RALGPS1: variants seen among roughly 807,000 people sequenced by gnomAD.
RALGPS1 encodes the protein ras-specific guanine nucleotide-releasing factor RalGPS1.
A neutral mutation model predicts 78.8 loss-of-function variants in RALGPS1; 19 were observed. The observed-to-expected ratio is 0.24, with a 90% CI of 0.17 to 0.35. The LOEUF (loss-of-function observed/expected upper bound fraction) is 0.35, where lower values mean the gene tolerates loss of function less well. Ranked by LOEUF, RALGPS1 falls within the 10% of genes least tolerant of loss-of-function variation. The pLI, the probability that RALGPS1 is intolerant of heterozygous loss-of-function variation, is 1.00. For synonymous variants in RALGPS1, 228 were observed against 256.3 expected (o/e 0.89, Z 1.06); for missense variants, 454 against 688.3 (o/e 0.66, Z 3.81).
At chr9:127,188,125 G>A (rs1486287752) in intron 11 of RALGPS1, among the ~76,000 whole-genome samples, 4 of 136,836 alleles carry the variant, frequency 2.9e-5, no homozygotes, top group Non-Finnish European at 4.7e-5. Context: ...GCAGTGGCGC[G>A]ATCTAGGCTC....
At chr9:127,204,206 T>G (rs2061808245) in intron 14 of RALGPS1, among the ~76,000 whole-genome samples, 1 of 152,114 alleles carries the variant, frequency 6.6e-6, no homozygotes, top group Non-Finnish European at 1.5e-5. Flanking sequence ...TCACTCTGTT[T>G]TCCAGGCTGG....
At chr9:127,177,763 C>A in intron 11 of RALGPS1, 1 of 1,494,156 alleles carries the variant, frequency 6.7e-7, no homozygotes, top group Non-Finnish European at 9.1e-7. Flanking sequence ...ACTGCATTTC[C>A]TGGCCTCCTT....
Position 127,091,817 on chromosome 9 carries a change from C to G in RALGPS1, c.610+22461C>G. The G allele has an allele frequency of 6.2e-7, 1 of 1,614,188 alleles. No homozygotes were observed. Among genetic ancestry groups the G allele is most frequent in the Non-Finnish European group, 8.5e-7 (1 of 1,180,028 alleles). ...TCCAGGCGGAAACTGGCGTATTCTG[C>G]AAAGACTTTGCGGCCGGACCAGTCC... On this transcript the variant is annotated intron_variant, in intron 8 of 18. Transcript: ENST00000259351. The surrounding 1 kb of genome is among the most constrained non-coding windows in gnomAD (Gnocchi z 4.3).
At chr9:126,918,186 TA>T (rs2034372631) in intron 1 of RALGPS1, among the ~76,000 whole-genome samples, 1 of 152,340 alleles carries the variant, frequency 6.6e-6, no homozygotes, top group East Asian at 1.9e-4. Context: ...AACTTCAACA[TA>T]AAAGACAAAA....
chr9:127,063,800 G>T (rs945611734), intron 7 of RALGPS1, among the ~76,000 whole-genome samples: 1 of 152,090 alleles, frequency 6.6e-6, no homozygotes, highest in African/African-American at 2.4e-5. Context: ...AATTATGTAC[G>T]GCTTGTAAAT....
intron 1 of RALGPS1, among the ~76,000 whole-genome samples, chr9:126,960,243 T>TCCTTTCTTCC (rs1186123031): frequency 3.4e-5 from 1 of 29,480 alleles, no homozygotes; most frequent in Admixed American, 4.9e-4. Flanking sequence ...CTTTCTTCCT[T>TCCTTTCTTCC]TTTTTTTTTT....
At chr9:127,149,530 G>A (rs1187523845) in intron 8 of RALGPS1, among the ~76,000 whole-genome samples, 1 of 151,506 alleles carries the variant, frequency 6.6e-6, no homozygotes, top group African/African-American at 2.5e-5. Context: ...GTTCTGGTCT[G>A]GAGATGTTTC....
chr9:127,191,857 C>T (rs2061072598), intron 11 of RALGPS1, among the ~76,000 whole-genome samples: 1 of 151,958 alleles, frequency 6.6e-6, no homozygotes, highest in South Asian at 2.1e-4. Flanking sequence ...GCCACCACGC[C>T]CGGCTAATTT....
At position 127,218,183 on chromosome 9, in the gene RALGPS1, G is replaced by A. The variant is rs2062675312; in HGVS notation, c.1645-557G>A. Among the ~76,000 whole-genome samples, 1 of 152,118 alleles carries A rather than the reference G, an allele frequency of 6.6e-6. No individual in the cohort carries two copies. Among genetic ancestry groups the A allele is most frequent in the African/African-American group, 2.4e-5 (1 of 41,412 alleles). ...GGTGGCAGAAACACTCTGACCTTGG[G>A]GCTAGTGGTCCCGCCAGTAAAGGGG... On this transcript the variant is annotated intron_variant, in intron 18 of 18. Coordinates refer to ENST00000259351, the MANE Select transcript of RALGPS1 (RefSeq NM_014636.3). The surrounding 1 kb of genome is among the most constrained non-coding windows in gnomAD (Gnocchi z 4.4).
intron 4 of RALGPS1, among the ~76,000 whole-genome samples, chr9:126,997,161 T>C (rs1306083214): frequency 6.6e-6 from 1 of 152,152 alleles, no homozygotes; most frequent in African/African-American, 2.4e-5. Context: ...CTATTCAACA[T>C]AGTGTTGGAA....
intron 8 of RALGPS1, among the ~76,000 whole-genome samples, chr9:127,074,328 A>G (rs758929902): frequency 6.6e-6 from 1 of 152,014 alleles, no homozygotes; most frequent in East Asian, 1.9e-4. Context: ...ATTGAATTCT[A>G]TTTATTTCTT....
At chr9:126,959,593 CTTT>C (rs11296664) in intron 1 of RALGPS1, among the ~76,000 whole-genome samples, 1 of 144,162 alleles carries the variant, frequency 6.9e-6, no homozygotes, top group Non-Finnish European at 1.5e-5. Flanking sequence ...CTGACCAGTT[CTTT>C]TTTTTTTTTT....
chr9:127,070,332 T>C (rs556786276), intron 8 of RALGPS1, among the ~76,000 whole-genome samples: 15 of 152,356 alleles, frequency 9.8e-5, no homozygotes, highest in Admixed American at 9.8e-4. Flanking sequence ...TGATTTAAGG[T>C]ATTTCTACAT....
At chr9:126,985,418 A>T (rs1318246861) in intron 4 of RALGPS1, among the ~76,000 whole-genome samples, 1 of 152,202 alleles carries the variant, frequency 6.6e-6, no homozygotes, top group East Asian at 1.9e-4. Context: ...TGCTCGTTAT[A>T]CTACATTATC....
At position 127,214,743 on chromosome 9, in the gene RALGPS1, C is replaced by T. The variant is rs369791995; in HGVS notation, c.1553-8C>T. On this transcript the variant is annotated splice_region_variant and splice_polypyrimidine_tract_variant and intron_variant, in intron 17 of 18. Coordinates refer to ENST00000259351, the MANE Select transcript of RALGPS1 (RefSeq NM_014636.3). Reference sequence around the variant, plus strand: ...CTCTTCTTAACTCATGGTTTCTCTACCCATCAGGCAATGTTTACAAGTTTC... The same window carrying T: ...CTCTTCTTAACTCATGGTTTCTCTATCCATCAGGCAATGTTTACAAGTTTC... The T allele has an allele frequency of 1.9e-6, 3 of 1,604,314 alleles. No homozygotes were observed. The highest frequency in any genetic ancestry group is 1.7e-6 in the Non-Finnish European group (2 of 1,176,612).
In RALGPS1 at chr9:126,952,673, G is replaced by GTGTGTGTGTGTGTGTC. The variant is rs771422718; in HGVS notation, c.-65-9545_-65-9544insGTGTGTGTCTGTGTGT. Among the ~76,000 whole-genome samples the GTGTGTGTGTGTGTGTC allele has an allele frequency of 3.5e-3, 375 of 106,840 alleles. 1 individual carries two copies. The highest frequency in any genetic ancestry group is 6.0e-3 in the Non-Finnish European group (258 of 42,764). 70.1% of individuals were successfully genotyped at this position (106,840 alleles called of 152,430 possible). Reference sequence around the variant, plus strand: ...AGAGAGAGAGTGTGTGTGTGTGTGTGTGTGTGTCTGTGTGTCTGTGTGTCT... The same window carrying GTGTGTGTGTGTGTGTC: ...AGAGAGAGAGTGTGTGTGTGTGTGTGTGTGTGTGTGTGTGTCTGTGTGTCTGTGTGTCTGTGTGTCT... On this transcript the variant is annotated intron_variant, in intron 1 of 18. Coordinates refer to ENST00000259351, the MANE Select transcript of RALGPS1 (RefSeq NM_014636.3).
chr9:127,189,231 TC>T (rs1371026862), intron 11 of RALGPS1, among the ~76,000 whole-genome samples: 2 of 152,066 alleles, frequency 1.3e-5, no homozygotes, highest in African/African-American at 4.8e-5. Context: ...AGGTTTTATT[TC>T]TCATTCATCA....
At chr9:126,919,265 C>T (rs2034507599) in intron 1 of RALGPS1, among the ~76,000 whole-genome samples, 2 of 152,108 alleles carry the variant, frequency 1.3e-5, no homozygotes, top group Non-Finnish European at 2.9e-5. Flanking sequence ...TTTGTACCTC[C>T]ACCCCCCACA....
At chr9:127,055,600 T>C (rs1479557695) in intron 7 of RALGPS1, among the ~76,000 whole-genome samples, 2 of 152,142 alleles carry the variant, frequency 1.3e-5, no homozygotes, top group Admixed American at 6.5e-5. Flanking sequence ...CATTTATAGA[T>C]GAGGAAACAG....
Sources: gnomAD v4.1 joint callset for allele counts (sites outside exome capture counted in the v4.1 genomes callset) on GRCh38, gnomAD v4.1.1 for gene constraint, Gnocchi (gnomAD v3.1) non-coding constraint, MANE v1.5 for transcripts, NCBI Gene and HGNC (gene_info 2026-07-23, HGNC 2026-07-21) for gene names.